The following CNTNAP5 variants were observed in gnomAD, a reference collection of about 807,000 sequenced individuals.
CNTNAP5 encodes contactin associated protein family member 5.
In CNTNAP5, 72 loss-of-function variants were observed where a neutral mutation model predicts 150.2. The ratio of observed to expected loss-of-function variants is 0.48; its 90% CI spans 0.40 to 0.58. The LOEUF (loss-of-function observed/expected upper bound fraction) is 0.58. Among genes scored for constraint, CNTNAP5 ranks in the 20% least tolerant of loss-of-function variants. The probability of loss-of-function intolerance (pLI) is 0.00; values close to 1 mark genes in which losing one functional copy is unlikely to be tolerated. For synonymous variants in CNTNAP5, 672 were observed against 619.8 expected (o/e 1.08, Z -1.25); for missense variants, 1,636 against 1,626.2 (o/e 1.01, Z -0.10).
intron 1 of CNTNAP5, among the ~76,000 whole-genome samples, chr2:124,210,531 A>G (rs577768983): frequency 1.3e-5 from 2 of 152,094 alleles, no homozygotes; most frequent in Admixed American, 1.3e-4. Context: ...TCATTGTTTT[A>G]GTTCAGGCTA....
At chr2:124,588,688 C>G (rs997114385) in intron 11 of CNTNAP5, among the ~76,000 whole-genome samples, 1 of 151,970 alleles carries the variant, frequency 6.6e-6, no homozygotes, top group African/African-American at 2.4e-5. Context: ...GTCAGGGTGA[C>G]GTCAATGTAA....
chr2:124,539,627 G>A (rs917776555), intron 10 of CNTNAP5, among the ~76,000 whole-genome samples: 4 of 152,100 alleles, frequency 2.6e-5, no homozygotes, highest in South Asian at 2.1e-4. Flanking sequence ...AAAGCAAGGC[G>A]ATATTATTCC....
chr2:124,837,624 C>T (rs892442313), intron 19 of CNTNAP5, among the ~76,000 whole-genome samples: 1 of 152,094 alleles, frequency 6.6e-6, no homozygotes, highest in African/African-American at 2.4e-5. Context: ...CAGAACTCAA[C>T]AGCAATTAAA....
chr2:124,071,410 A>G (rs1254542230), intron 1 of CNTNAP5, among the ~76,000 whole-genome samples: 1 of 151,914 alleles, frequency 6.6e-6, no homozygotes, highest in Non-Finnish European at 1.5e-5. Context: ...CAAAATGAAA[A>G]GTTTGTTTTT....
At chr2:124,293,471 T>C (rs1688352005) in intron 3 of CNTNAP5, among the ~76,000 whole-genome samples, 1 of 152,130 alleles carries the variant, frequency 6.6e-6, no homozygotes, top group East Asian at 1.9e-4. Flanking sequence ...CAATGCATAA[T>C]TGAAACAAAA....
At chr2:124,061,761 C>T (rs1453083142) in intron 1 of CNTNAP5, among the ~76,000 whole-genome samples, 1 of 152,176 alleles carries the variant, frequency 6.6e-6, no homozygotes, top group Non-Finnish European at 1.5e-5. Flanking sequence ...TCTCTGAATT[C>T]AGCCTTCCCA....
At chr2:124,542,959 T>A (rs1169714986) in intron 10 of CNTNAP5, among the ~76,000 whole-genome samples, 1 of 152,336 alleles carries the variant, frequency 6.6e-6, no homozygotes, top group East Asian at 1.9e-4. Flanking sequence ...TGATAATCTT[T>A]AATGTCATTG....
rs374942023 is a variant in CNTNAP5 at position 124,902,896 on chromosome 2, G to T, written c.3451G>T (p.Asp1151Tyr). 70 of 1,608,226 alleles carry T rather than the reference G, an allele frequency of 4.4e-5. No individual in the cohort carries two copies. The highest frequency in any genetic ancestry group is 5.8e-5 in the Non-Finnish European group (68 of 1,175,988). Reference sequence around the variant, plus strand: ...TTACATTGCAGAGAATCTTGGTTTGGATTCTGAAGTTGCTAAAGCAAATGC... The same window carrying T: ...TTACATTGCAGAGAATCTTGGTTTGTATTCTGAAGTTGCTAAAGCAAATGC... The part of the protein sequence containing the change: ...LGKVTENLGL[D>Y]SEVAKANAMG... The change falls in exon 22 of 24, where the codon GAT (aspartate) becomes TAT (tyrosine). Residue 1151 changes from aspartate (D) to tyrosine (Y), a missense_variant. By Grantham distance (160) the Asp-to-Tyr change is radical. Coordinates refer to ENST00000682447, the MANE Select transcript of CNTNAP5 (RefSeq NM_001367498.1).
At chr2:124,077,074 A>C (rs1682454643) in intron 1 of CNTNAP5, among the ~76,000 whole-genome samples, 2 of 151,936 alleles carry the variant, frequency 1.3e-5, no homozygotes, top group South Asian at 4.2e-4. Flanking sequence ...AAGTCACGCA[A>C]AAGTTAGATT....
chr2:124,400,116 G>GA (rs374595926), intron 3 of CNTNAP5, among the ~76,000 whole-genome samples: 101,119 of 147,144 alleles, frequency 0.69, 36,011 homozygotes, highest in East Asian at 0.88. Context: ...GGCTTATAAT[G>GA]AAAAAAAAAA....
intron 1 of CNTNAP5, among the ~76,000 whole-genome samples, chr2:124,040,490 T>A (rs1438227638): frequency 2.0e-5 from 3 of 152,158 alleles, no homozygotes; most frequent in Non-Finnish European, 4.4e-5. Context: ...TTCGTCGTTT[T>A]CAGATAACCT....
intron 1 of CNTNAP5, among the ~76,000 whole-genome samples, chr2:124,052,997 G>C (rs1226146794): frequency 6.6e-6 from 1 of 151,134 alleles, no homozygotes; most frequent in Non-Finnish European, 1.5e-5. Flanking sequence ...GTCTTCCCTG[G>C]CCCTCCCTCC....
At chr2:124,161,267 G>A (rs558632132) in intron 1 of CNTNAP5, among the ~76,000 whole-genome samples, 43 of 152,254 alleles carry the variant, frequency 2.8e-4, no homozygotes, top group African/African-American at 9.4e-4. Flanking sequence ...CAAATGAGTG[G>A]AGCTGAGACG....
chr2:124,047,733 A>C (rs1681575599), intron 1 of CNTNAP5, among the ~76,000 whole-genome samples: 1 of 151,658 alleles, frequency 6.6e-6, no homozygotes, highest in African/African-American at 2.4e-5. Context: ...CAAGGTACAG[A>C]CTCCTTACTC....
chr2:124,876,425 CTCT>C (rs1264808305), intron 21 of CNTNAP5, among the ~76,000 whole-genome samples: 3 of 151,114 alleles, frequency 2.0e-5, no homozygotes, highest in Non-Finnish European at 4.4e-5. Context: ...GTAATGCCAC[CTCT>C]TCTTCTCTTT....
At chr2:124,788,030 C>A (rs1434133027) in intron 17 of CNTNAP5, among the ~76,000 whole-genome samples, 1 of 152,172 alleles carries the variant, frequency 6.6e-6, no homozygotes, top group African/African-American at 2.4e-5. Context: ...TCTGGTAGAC[C>A]TCAAAGGCCT....
chr2:124,705,075 A>G (rs1359741854), intron 13 of CNTNAP5, among the ~76,000 whole-genome samples: 1 of 152,018 alleles, frequency 6.6e-6, no homozygotes, highest in Non-Finnish European at 1.5e-5. Context: ...TTATAATCAT[A>G]TTATGCAACA....
Position 124,069,437 on chromosome 2 carries a change from A to G in CNTNAP5, c.82+43705A>G, listed in dbSNP as rs969136599. ...AACTTGCCACCCTGAATGGAAAGGC[A>G]CAAACCTGGCTGACTTCACTATCTG... On this transcript the variant is annotated intron_variant, in intron 1 of 23. Transcript: ENST00000682447. Among the ~76,000 whole-genome samples the G allele has an allele frequency of 5.9e-5, 9 of 152,184 alleles. No homozygotes were observed. The South Asian group carries it at 1.9e-3, about 31-fold the overall frequency.
intron 1 of CNTNAP5, among the ~76,000 whole-genome samples, chr2:124,168,814 C>T (rs1304458493): frequency 6.6e-6 from 1 of 151,810 alleles, no homozygotes; most frequent in Non-Finnish European, 1.5e-5. Flanking sequence ...TTTTTCTCAC[C>T]AAAACAAAGC....
Sources: gnomAD v4.1 joint callset for allele counts (sites outside exome capture counted in the v4.1 genomes callset) on GRCh38, gnomAD v4.1.1 for gene constraint, MANE v1.5 for transcripts, NCBI Gene and HGNC (gene_info 2026-07-23, HGNC 2026-07-21) for gene names.